The following KIF24 variants were observed in gnomAD, a reference collection of about 807,000 sequenced individuals.
KIF24 encodes the protein kinesin-like protein KIF24.
KIF24 carries 81 observed loss-of-function variants against 118.9 expected under a neutral mutation model. That is an observed-to-expected ratio of 0.68 (90% CI 0.57 to 0.82). The LOEUF is 0.82. Among genes scored for constraint, KIF24 ranks in the 40% least tolerant of loss-of-function variants. KIF24 has a pLI of 0.00. For synonymous variants in KIF24, 599 were observed against 610.0 expected, an observed-to-expected ratio of 0.98 and a Z score of 0.27; for missense variants, 1,560 against 1,661.6, an observed-to-expected ratio of 0.94 and a Z score of 1.06.
In KIF24 at chr9:34,296,349, A is replaced by G. The variant is rs1209528117; in HGVS notation, c.911+668T>C. Among the ~76,000 whole-genome samples, 45 of 148,194 alleles carry G rather than the reference A, an allele frequency of 3.0e-4. No homozygotes were observed. In the Admixed American group the frequency reaches 3.1e-3, roughly 10 times the overall value. On this transcript the variant is annotated intron_variant, in intron 4 of 12. Transcript: ENST00000402558. ...AGACCATCCTGGCTAACACGGTGAA[A>G]CCCCATCTCTACTAAAAATACAAAA...
At position 34,318,330 on chromosome 9, in the gene KIF24, G is replaced by C; in HGVS notation, c.-25-6959C>G. ...AGACTCCCGTCTTGGAGCCAGCCCA[G>C]CCCAACCCAGCCCAACCCAGCTTGA... is the stretch of plus-strand genomic sequence containing the variant. On this transcript the variant is annotated intron_variant, in intron 1 of 12. Coordinates refer to ENST00000402558, the MANE Select transcript of KIF24 (RefSeq NM_194313.4). This position sits in a 1 kb window ranked among gnomAD's most constrained non-coding sequence, Gnocchi z 4.9. The C allele has an allele frequency of 7.0e-6, 4 of 571,660 alleles. No homozygotes were observed. The highest frequency in any genetic ancestry group is 9.5e-6 in the Non-Finnish European group (3 of 317,000). The allele number at this position is 571,660 out of a possible 1,614,324, so 35.4% of individuals were successfully genotyped here. A position where few individuals can be genotyped will look rare whatever the true frequency, so the allele number is the denominator to read the frequency against.
chr9:34,318,802 C>T lies in KIF24; in HGVS notation c.-25-7431G>A. ...ACGTGACCTGGAAGCTGTGCAGTCGCCTGTAGGGACCCAGCTCAGTGAGTT... is the reference window on the plus strand; with the variant it reads ...ACGTGACCTGGAAGCTGTGCAGTCGTCTGTAGGGACCCAGCTCAGTGAGTT... On this transcript the variant is annotated intron_variant, in intron 1 of 12. Transcript: ENST00000402558. This position sits in a 1 kb window ranked among gnomAD's most constrained non-coding sequence, Gnocchi z 4.9. 1 of 1,559,970 alleles carries T rather than the reference C, an allele frequency of 6.4e-7. No homozygotes were observed. The highest frequency in any genetic ancestry group is 8.8e-7 in the Non-Finnish European group (1 of 1,133,440).
At chr9:34,331,158 G>T (rs1837920668), upstream of KIF24, among the ~76,000 whole-genome samples, 2 of 152,106 alleles carry the variant, frequency 1.3e-5, no homozygotes, top group Non-Finnish European at 2.9e-5. Flanking sequence ...TATATTAAAA[G>T]GAATTTATGC....
rs780776157 is a variant in KIF24 at position 34,269,368 on chromosome 9, G to T, written c.1338-6C>A. 1 of 1,456,664 alleles carries T rather than the reference G, an allele frequency of 6.9e-7. No individual in the cohort carries two copies. The highest frequency in any genetic ancestry group is 1.7e-5 in the Admixed American group (1 of 58,738). 90.2% of individuals were successfully genotyped at this position (1,456,664 alleles called of 1,614,324 possible). On this transcript the variant is annotated splice_region_variant and splice_polypyrimidine_tract_variant and intron_variant, in intron 7 of 12. Coordinates refer to ENST00000402558, the MANE Select transcript of KIF24 (RefSeq NM_194313.4). ...CCAAGTCAATAAAAGAGATCCTAGA[G>T]AAAAGACACAGCAGGAGTGACTTCT...
chr9:34,253,883 G>T lies in KIF24; in HGVS notation c.*497C>A, dbSNP rs1193640425. The T allele has an allele frequency of 6.6e-6, 1 of 152,604 alleles. No individual in the cohort carries two copies. Among genetic ancestry groups the T allele is most frequent in the African/African-American group, 2.4e-5 (1 of 41,398 alleles). The allele number at this position is 152,604 out of a possible 1,614,324, so 9.5% of individuals were successfully genotyped here. On this transcript the variant is annotated 3_prime_UTR_variant, in exon 13 of 13. Transcript: ENST00000402558. ...ATGGGGCAGAGCTCACCCCACCCCT[G>T]TCCCCCTAGCACCAATGGTTAAGTT...
chr9:34,298,973 A>G (rs1836589591), intron 3 of KIF24, among the ~76,000 whole-genome samples: 1 of 152,096 alleles, frequency 6.6e-6, no homozygotes, highest in Non-Finnish European at 1.5e-5. Flanking sequence ...AAAAGCATTA[A>G]TTCAGCAGCT....
intron 1 of KIF24, among the ~76,000 whole-genome samples, chr9:34,328,534 C>T (rs549439023): frequency 5.4e-4 from 82 of 152,256 alleles, no homozygotes; most frequent in African/African-American, 1.9e-3. Flanking sequence ...GGTCCTTTTG[C>T]ATTGAAGATT....
At chr9:34,304,700 A>C (rs1836848290) in intron 3 of KIF24, among the ~76,000 whole-genome samples, 1 of 152,184 alleles carries the variant, frequency 6.6e-6, no homozygotes, top group South Asian at 2.1e-4. Flanking sequence ...TGGCCTAGTA[A>C]TTTAGTACCA....
At chr9:34,281,391 A>AGGGCTTC (rs1835845950) in intron 6 of KIF24, among the ~76,000 whole-genome samples, 1 of 152,158 alleles carries the variant, frequency 6.6e-6, no homozygotes, top group Non-Finnish European at 1.5e-5. Context: ...TATCGTGAAA[A>AGGGCTTC]AGGCTTCAGA....
At chr9:34,317,193 G>A (rs537499024) in intron 1 of KIF24, among the ~76,000 whole-genome samples, 1 of 151,602 alleles carries the variant, frequency 6.6e-6, no homozygotes, top group East Asian at 1.9e-4. Context: ...ACTCCAGTCT[G>A]GGCAACAAGA....
chr9:34,264,576 A>G (rs1199398630), intron 8 of KIF24, among the ~76,000 whole-genome samples: 1 of 152,136 alleles, frequency 6.6e-6, no homozygotes, highest in African/African-American at 2.4e-5. Flanking sequence ...CTATCCAAGA[A>G]GCTGCAGGGT....
At chr9:34,294,091 C>A (rs1836364955) in intron 4 of KIF24, among the ~76,000 whole-genome samples, 1 of 152,052 alleles carries the variant, frequency 6.6e-6, no homozygotes, top group South Asian at 2.1e-4. Flanking sequence ...GTAGCTGGGA[C>A]TACAGGCATA....
chr9:34,290,079 A>G lies in KIF24; in HGVS notation c.1127+95T>C, dbSNP rs1192414779. ...TCACAAAAGGGCACTAATGTACCAA[A>G]GCATCTCATTAAAGCCTATGATTCA... is the stretch of plus-strand genomic sequence containing the variant. On this transcript the variant is annotated intron_variant, in intron 5 of 12. Coordinates refer to ENST00000402558, the MANE Select transcript of KIF24 (RefSeq NM_194313.4). 5.2e-5 allele frequency: 42 copies of G among 806,454 alleles called. No individual in the cohort carries two copies. The East Asian group carries it at 1.0e-3, about 19-fold the overall frequency. 50.0% of individuals were successfully genotyped at this position (806,454 alleles called of 1,614,324 possible).
At chr9:34,258,115 AT>A (rs1411711145) in intron 10 of KIF24, 134 bp from the exon 11 acceptor site, 2 of 700,868 alleles carry the variant, frequency 2.9e-6, no homozygotes, top group Non-Finnish European at 4.9e-6. Context: ...CTGGGATAGA[AT>A]AAGAGGAAAA....
intron 4 of KIF24, among the ~76,000 whole-genome samples, chr9:34,296,005 G>A (rs1199678956): frequency 4.6e-5 from 5 of 109,138 alleles, no homozygotes; most frequent in East Asian, 4.5e-4. Flanking sequence ...GGATCACGAG[G>A]TCAGGAGATC....
At position 34,257,219 on chromosome 9, in the gene KIF24, TG is replaced by T. The variant is rs781778197; in HGVS notation, c.2387del (p.Pro796GlnfsTer25). On this transcript the variant is annotated frameshift_variant, in exon 11 of 13. Transcript: ENST00000402558. LOFTEE classifies it high-confidence loss of function. ...GAGTCTCATTCGTGAGCTGACCCTC[TG>T]GGGGCCTGTACTGGCGTAAAGACCT... is the stretch of plus-strand genomic sequence containing the variant. ...LKRSLRQYRP[P>X]EGQLTNETPP... The T allele has an allele frequency of 1.9e-6, 3 of 1,613,906 alleles. No individual in the cohort carries two copies. The highest frequency in any genetic ancestry group is 2.5e-6 in the Non-Finnish European group (3 of 1,179,904).
chr9:34,319,495 T>C, intron 1 of KIF24: 1 of 1,293,856 alleles, frequency 7.7e-7, no homozygotes, highest in Non-Finnish European at 1.1e-6. Flanking sequence ...GGCAACTCCT[T>C]TGACCAGGAC....
rs1011894144 is a variant in KIF24, at chr9:34,257,521, G to A, written c.2086C>T (p.Arg696Cys). ...TTGCACTTGGTGGACAGCTTACCAC[G>A]CACTAGGCCTTCTCCTGGGCCTGAG... ...RASGPGEGLVRGKLSTKCKKV... is the reference protein window; with the variant it reads ...RASGPGEGLVCGKLSTKCKKV... Residue 696 changes from arginine (R) to cysteine (C), a missense_variant, in exon 11 of 13, where the codon CGT becomes TGT. By Grantham distance (180) the Arg-to-Cys change is radical. Coordinates refer to ENST00000402558, the MANE Select transcript of KIF24 (RefSeq NM_194313.4). 10 of 1,613,926 alleles carry A rather than the reference G, an allele frequency of 6.2e-6. No homozygotes were observed. In the East Asian group the frequency reaches 8.9e-5, roughly 14 times the overall value.
Position 34,286,678 on chromosome 9 carries a change from T to G in KIF24, c.1154A>C (p.His385Pro). The change falls in exon 6 of 13, where the codon CAC (histidine) becomes CCC (proline). Residue 385 changes from histidine (H) to proline (P), a missense_variant. By Grantham distance (77) the His-to-Pro change is moderately conservative. Transcript: ENST00000402558. ...KRLFAREDSK[H>P]MVQIVGLQEL... ...TTGCAGTCCCACTATCTGCACCATGTGCTTGCTATCTTCTCTTGCAAAGAG... is the reference window on the plus strand; with the variant it reads ...TTGCAGTCCCACTATCTGCACCATGGGCTTGCTATCTTCTCTTGCAAAGAG... 1 of 1,613,570 alleles carries G rather than the reference T, an allele frequency of 6.2e-7. No homozygotes were observed.
Sources: gnomAD v4.1 joint callset for allele counts (sites outside exome capture counted in the v4.1 genomes callset) on GRCh38, gnomAD v4.1.1 for gene constraint, Gnocchi (gnomAD v3.1) non-coding constraint, MANE v1.5 for transcripts, NCBI Gene and HGNC (gene_info 2026-07-23, HGNC 2026-07-21) for gene names.